NEU4: variants seen among roughly 807,000 people sequenced by gnomAD.
The protein encoded by NEU4 is neuraminidase 4.
In NEU4, 7 loss-of-function variants were observed where a neutral mutation model predicts 9.9. The ratio of observed to expected loss-of-function variants is 0.71; its 90% CI spans 0.40 to 1.33. NEU4 has a LOEUF of 1.33. NEU4 is among the 40% of genes most tolerant of loss of function. The pLI, the probability that NEU4 is intolerant of heterozygous loss-of-function variation, is 0.01. For synonymous variants in NEU4, 348 were observed against 316.9 expected, an observed-to-expected ratio of 1.10 and a Z score of -1.04; for missense variants, 717 against 712.6, an observed-to-expected ratio of 1.01 and a Z score of -0.07.
chr2:241,811,029 CGCACCCGGGAAGCCCAGAGGAGAGTGT>C (rs1326323241), intron 1 of NEU4: 4 of 1,063,110 alleles, frequency 3.8e-6, no homozygotes, highest in Non-Finnish European at 4.5e-6. Context: ...GGGGAGGCCC[CGCACCCGGGAAGCCCAGAGGAGAGTGT>C]GCACTCACGG....
At chr2:241,811,386 G>A in intron 1 of NEU4, 3 of 1,507,202 alleles carry the variant, frequency 2.0e-6, no homozygotes, top group South Asian at 2.5e-5. Flanking sequence ...TGCCCGCACA[G>A]TGGGCCCTTG....
At chr2:241,809,790 C>T (rs1177613702) in intron 1 of NEU4, 2 of 158,294 alleles carry the variant, frequency 1.3e-5, no homozygotes, top group African/African-American at 4.8e-5. Context: ...AGATTGAAAA[C>T]AGTGGGCTTG....
intron 1 of NEU4, chr2:241,811,800 G>C: frequency 3.4e-6 from 1 of 297,578 alleles, no homozygotes; most frequent in East Asian, 5.4e-5. Flanking sequence ...AATGCAGGGG[G>C]CCGGCCCCAG....
At chr2:241,811,751 C>A in intron 1 of NEU4, 1 of 373,220 alleles carries the variant, frequency 2.7e-6, no homozygotes. Context: ...GGGGCAGATT[C>A]AGGGCATGGG....
At chr2:241,811,144 G>A in intron 1 of NEU4, 1 of 1,220,732 alleles carries the variant, frequency 8.2e-7, no homozygotes, top group Non-Finnish European at 1.0e-6. Flanking sequence ...CTCACAGCTG[G>A]GCCTGTCCCA....
At chr2:241,811,191 C>T in intron 1 of NEU4, 1 of 1,232,874 alleles carries the variant, frequency 8.1e-7, no homozygotes, top group Non-Finnish European at 1.0e-6. Flanking sequence ...CCCGTGTCCT[C>T]AGCACCCCAG....
chr2:241,810,157 A>C (rs987337806), intron 1 of NEU4, among the ~76,000 whole-genome samples: 2 of 152,272 alleles, frequency 1.3e-5, no homozygotes, highest in East Asian at 3.9e-4. Flanking sequence ...ACGATGGCCA[A>C]GTTGCCTGGA....
At chr2:241,814,865 G>C in intron 2 of NEU4, 27 bp from the exon 3 acceptor site, 1 of 1,593,266 alleles carries the variant, frequency 6.3e-7, no homozygotes, top group Non-Finnish European at 8.6e-7. Context: ...GGACGTCCTG[G>C]TCAGCGGAAC....
intron 1 of NEU4, chr2:241,813,476 C>A: frequency 8.6e-7 from 1 of 1,166,364 alleles, no homozygotes; most frequent in Non-Finnish European, 1.1e-6. Context: ...CGCTCGGCTC[C>A]GTCTGCCTTT....
intron 2 of NEU4, 33 bp from the exon 3 acceptor site, chr2:241,814,859 G>A (rs758095103): frequency 1.1e-4 from 168 of 1,589,178 alleles, no homozygotes; most frequent in South Asian, 2.6e-4. Flanking sequence ...GTCCCTGGAC[G>A]TCCTGGTCAG....
At position 241,815,041 on chromosome 2, in the gene NEU4, G is replaced by T. The variant is rs760174998; in HGVS notation, c.351G>T (p.Thr117=). Residue 117 remains threonine, a synonymous_variant, in exon 3 of 4, where the codon ACG becomes ACT. Coordinates refer to ENST00000407683, the MANE Select transcript of NEU4 (RefSeq NM_001167600.3). ...GHTPEAVQIA[T]GRNAARLCCV... ...CGCCTGAGGCCGTGCAGATCGCCAC[G>T]GGAAGGAACGCCGCGCGCCTCTGCT... 2.1e-5 allele frequency: 33 copies of T among 1,596,604 alleles called. No homozygotes were observed. The highest frequency in any genetic ancestry group is 2.8e-5 in the Non-Finnish European group (33 of 1,177,116).
At chr2:241,812,963 G>A (rs1006063877) in intron 1 of NEU4, among the ~76,000 whole-genome samples, 1 of 152,192 alleles carries the variant, frequency 6.6e-6, no homozygotes, top group Non-Finnish European at 1.5e-5. Context: ...CCTGCTTCCC[G>A]CTTGGGCACA....
chr2:241,816,965 C>A lies in NEU4; in HGVS notation c.1372C>A (p.Arg458Ser), dbSNP rs752175721. ...DEISFCTFSL[R>S]EVLENVPASP... is the part of the protein sequence containing the mutation. ...GATTTCCTTTTGTACATTCTCCCTG[C>A]GTGAGGTCCTGGAGAACGTGCCCGC... Residue 458 changes from arginine to serine, a missense_variant, in exon 4 of 4, where the codon CGT becomes AGT. Physicochemically the swap from Arg to Ser is moderately radical, Grantham distance 110. Coordinates refer to ENST00000407683, the MANE Select transcript of NEU4 (RefSeq NM_001167600.3). 9 of 1,612,448 alleles carry A rather than the reference C, an allele frequency of 5.6e-6. No homozygotes were observed. In the East Asian group the frequency reaches 8.9e-5, roughly 16 times the overall value.
At position 241,816,255 on chromosome 2, in the gene NEU4, G is replaced by T. The variant is rs1267176881; in HGVS notation, c.662G>T (p.Gly221Val). ...GGCCTCGTGCCCAACCTGCGCTCAG[G>T]CGAGTGCCAGCTGGCAGCGGTGGAC... ...CGGLVPNLRS[G>V]ECQLAAVDGG... is the part of the protein sequence containing the mutation. The change falls in exon 4 of 4, where the codon GGC becomes GTC. Residue 221 changes from glycine to valine, a missense_variant. Gly to Val is a moderately radical substitution (Grantham distance 109, BLOSUM62 -3). Transcript: ENST00000407683. The T allele has an allele frequency of 1.2e-6, 2 of 1,605,700 alleles. No individual in the cohort carries two copies. The highest frequency in any genetic ancestry group is 1.7e-6 in the Non-Finnish European group (2 of 1,176,928).
intron 2 of NEU4, 79 bp downstream of exon 2, chr2:241,814,764 G>GC: frequency 6.6e-7 from 1 of 1,506,142 alleles, no homozygotes. Flanking sequence ...TGGGGCGGGG[G>GC]TGGCGGCGGC....
intron 1 of NEU4, chr2:241,813,205 C>T (rs1448222000): frequency 3.0e-5 from 14 of 461,492 alleles, no homozygotes; most frequent in East Asian, 1.6e-4. Flanking sequence ...CGCCTTTACC[C>T]GGGTCTCTGT....
At position 241,816,107 on chromosome 2, in the gene NEU4, C is replaced by G; in HGVS notation, c.514C>G (p.Leu172Val). The G allele has an allele frequency of 6.2e-7, 1 of 1,610,990 alleles. No individual in the cohort carries two copies. Among genetic ancestry groups the G allele is most frequent in the Non-Finnish European group, 8.5e-7 (1 of 1,179,300 alleles). Reference sequence around the variant, plus strand: ...CGGTGTGCAGCTGCCCTCAGGCCGCCTGCTGGTACCCGCCTACACCTACCG... The same window carrying G: ...CGGTGTGCAGCTGCCCTCAGGCCGCGTGCTGGTACCCGCCTACACCTACCG... ...GHGVQLPSGR[L>V]LVPAYTYRVD... is the part of the protein sequence containing the mutation. Residue 172 changes from leucine (L) to valine (V), a missense_variant, in exon 4 of 4, where the codon CTG (leucine) becomes GTG (valine). Physicochemically the swap from Leu to Val is conservative, Grantham distance 32. Transcript: ENST00000407683.
intron 1 of NEU4, chr2:241,813,530 A>G: frequency 1.6e-6 from 2 of 1,239,508 alleles, no homozygotes; most frequent in Non-Finnish European, 2.1e-6. Context: ...CCCGCCTGCA[A>G]CAAGCAGACC....
rs149133582 is a variant in NEU4 at position 241,816,868 on chromosome 2, C to T, written c.1275C>T (p.Ile425=). 1.9e-4 allele frequency: 314 copies of T among 1,612,398 alleles called. No homozygotes were observed. The African/African-American group carries it at 3.4e-3, about 17-fold the overall frequency. Residue 425 remains isoleucine, a synonymous_variant, in exon 4 of 4, where the codon ATC becomes ATT. Transcript: ENST00000407683. ...GPSGYSDLAS[I]GPAPEGGLVF... ...GCGGCTACTCCGACCTGGCGTCCAT[C>T]GGGCCGGCCCCTGAGGGGGGCCTGG...
Sources: allele counts gnomAD v4.1 joint callset (sites outside exome capture counted in the v4.1 genomes callset), GRCh38; gene constraint gnomAD v4.1.1; transcripts MANE v1.5; gene names NCBI Gene and HGNC (gene_info 2026-07-23, HGNC 2026-07-21).